ITGA1: variants seen among roughly 807,000 people sequenced by gnomAD.
The protein encoded by ITGA1 is integrin subunit alpha 1.
A neutral mutation model predicts 145.9 loss-of-function variants in ITGA1; 85 were observed. That is an observed-to-expected ratio of 0.58 (90% CI 0.49 to 0.70). ITGA1 has a LOEUF of 0.70. Among genes scored for constraint, ITGA1 ranks in the 30% least tolerant of loss-of-function variants. ITGA1 has a pLI of 0.00. For missense variants in ITGA1, 1,351 were observed against 1,418.7 expected (o/e 0.95, Z 0.77); for synonymous variants, 520 against 495.3 (o/e 1.05, Z -0.66).
Position 52,925,287 on chromosome 5 carries a change from G to T in ITGA1, c.2413G>T (p.Ala805Ser), listed in dbSNP as rs1036675148. Reference protein sequence around the residue: ...PNSVHEYIPFAKDCGNKEKCI... With the variant: ...PNSVHEYIPFSKDCGNKEKCI... ...CCTGTCATCATTTCAGATTCCCTTTGCCAAAGATTGTGGAAATAAGGAAAA... is the reference window on the plus strand; with the variant it reads ...CCTGTCATCATTTCAGATTCCCTTTTCCAAAGATTGTGGAAATAAGGAAAA... Residue 805 changes from alanine to serine, a missense_variant, in exon 19 of 29, where the codon GCC becomes TCC. Transcript: ENST00000282588. The T allele has an allele frequency of 6.2e-7, 1 of 1,613,550 alleles. No homozygotes were observed. The highest frequency in any genetic ancestry group is 8.5e-7 in the Non-Finnish European group (1 of 1,179,562).
intron 8 of ITGA1, among the ~76,000 whole-genome samples, chr5:52,892,697 G>A (rs117138029): frequency 1.1e-4 from 16 of 152,212 alleles, no homozygotes; most frequent in East Asian, 5.8e-4. Flanking sequence ...CAACACGGAT[G>A]ACTCTGAAAA....
In ITGA1 at chr5:52,918,915, T is replaced by C; in HGVS notation, c.2155+17T>C. On this transcript the variant is annotated intron_variant, in intron 16 of 28. Transcript: ENST00000282588. ...ATGAAGCTGGTAAGCAAAATAATTA[T>C]AGCAAGTACTTTTGGGTAGAGGACA... The C allele has an allele frequency of 6.3e-7, 1 of 1,576,952 alleles. No homozygotes were observed. The highest frequency in any genetic ancestry group is 8.6e-7 in the Non-Finnish European group (1 of 1,164,018).
chr5:52,849,119 T>C (rs1185728893), intron 1 of ITGA1, among the ~76,000 whole-genome samples: 3 of 152,182 alleles, frequency 2.0e-5, no homozygotes, highest in Admixed American at 1.3e-4. Context: ...GGTCAAATGG[T>C]ATTTCTAGTT....
intron 1 of ITGA1, chr5:52,800,388 C>T: frequency 6.2e-7 from 1 of 1,613,734 alleles, no homozygotes; most frequent in Non-Finnish European, 8.5e-7. Flanking sequence ...GAGCCCCTTC[C>T]TTGGCCATGA....
At chr5:52,840,496 G>A (rs1749237215) in intron 1 of ITGA1, among the ~76,000 whole-genome samples, 1 of 152,136 alleles carries the variant, frequency 6.6e-6, no homozygotes, top group Non-Finnish European at 1.5e-5. Flanking sequence ...TTTATTTGGT[G>A]AAACATAGAT....
intron 17 of ITGA1, 126 bp from the exon 18 acceptor site, chr5:52,922,651 G>A (rs2111875103): frequency 1.5e-6 from 1 of 665,382 alleles, no homozygotes. Context: ...GAGATCATAT[G>A]TCAGATTAGA....
chr5:52,816,556 G>T (rs534806464), intron 1 of ITGA1, among the ~76,000 whole-genome samples: 2 of 152,106 alleles, frequency 1.3e-5, no homozygotes, highest in African/African-American at 4.8e-5. Context: ...TGGACATTTT[G>T]TTAGTTAAGA....
At chr5:52,922,120 G>A (rs560777739) in intron 17 of ITGA1, among the ~76,000 whole-genome samples, 168 of 152,206 alleles carry the variant, frequency 1.1e-3, no homozygotes, top group African/African-American at 3.7e-3. Flanking sequence ...GGCCAACGTG[G>A]TGAAACCCCG....
At chr5:52,870,605 G>T (rs1395644008) in intron 6 of ITGA1, among the ~76,000 whole-genome samples, 4 of 152,222 alleles carry the variant, frequency 2.6e-5, no homozygotes, top group Non-Finnish European at 5.9e-5. Flanking sequence ...CATGACAGCA[G>T]CTGTTATGTC....
intron 1 of ITGA1, among the ~76,000 whole-genome samples, chr5:52,806,727 CATGTT>C (rs1748594491): frequency 6.6e-6 from 1 of 152,094 alleles, no homozygotes; most frequent in Non-Finnish European, 1.5e-5. Flanking sequence ...TTTTCAGTAA[CATGTT>C]ATTATATTGT....
chr5:52,898,830 T>A (rs1047091174), intron 11 of ITGA1, among the ~76,000 whole-genome samples: 1 of 152,120 alleles, frequency 6.6e-6, no homozygotes, highest in East Asian at 1.9e-4. Flanking sequence ...AAAAGAAAAA[T>A]GTATTTTGTC....
intron 1 of ITGA1, among the ~76,000 whole-genome samples, chr5:52,792,165 G>C (rs1748254672): frequency 6.6e-6 from 1 of 152,166 alleles, no homozygotes; most frequent in Non-Finnish European, 1.5e-5. Context: ...TAAACTATAT[G>C]TCTCTCTTCC....
intron 1 of ITGA1, among the ~76,000 whole-genome samples, chr5:52,814,758 T>C (rs1748738757): frequency 6.6e-6 from 1 of 152,002 alleles, no homozygotes; most frequent in Admixed American, 6.6e-5. Flanking sequence ...AGAAAAAGAA[T>C]CAGTCCAATT....
At chr5:52,906,625 A>G (rs1012648636) in intron 12 of ITGA1, among the ~76,000 whole-genome samples, 1 of 152,204 alleles carries the variant, frequency 6.6e-6, no homozygotes, top group Non-Finnish European at 1.5e-5. Context: ...TTGAATTGTG[A>G]TAGCTTGGGA....
At position 52,910,144 on chromosome 5, in the gene ITGA1, T is replaced by C. The variant is rs759604091; in HGVS notation, c.1600-18T>C. 1 of 1,595,870 alleles carries C rather than the reference T, an allele frequency of 6.3e-7. No homozygotes were observed. Among genetic ancestry groups the C allele is most frequent in the South Asian group, 1.1e-5 (1 of 90,244 alleles). ...TAATGATGGAAATACATAAATATCC[T>C]GTTTATCTTTCTTCCAGACAAGGTT... On this transcript the variant is annotated intron_variant, in intron 13 of 28. Transcript: ENST00000282588.
chr5:52,911,465 C>T (rs1458584180), intron 14 of ITGA1, among the ~76,000 whole-genome samples: 1 of 124,892 alleles, frequency 8.0e-6, no homozygotes, highest in Non-Finnish European at 1.6e-5. Flanking sequence ...TATAGTGTAT[C>T]TAGTATATAG....
chr5:52,820,825 T>C lies in ITGA1; in HGVS notation c.62-28540T>C, dbSNP rs909686797. Among the ~76,000 whole-genome samples, 18 of 152,322 alleles carry C rather than the reference T, an allele frequency of 1.2e-4. 2 individuals carry two copies. The highest frequency in any genetic ancestry group is 8.5e-4 in the Admixed American group (13 of 15,292). On this transcript the variant is annotated intron_variant, in intron 1 of 28. Transcript: ENST00000282588. ...TATCTCAGTTTTTTTTTATTGGCTT[T>C]AACAAGAGCATATGCTGGGAGGATA...
At chr5:52,792,442 T>C (rs1014349476) in intron 1 of ITGA1, among the ~76,000 whole-genome samples, 4 of 152,214 alleles carry the variant, frequency 2.6e-5, no homozygotes, top group African/African-American at 7.2e-5. Flanking sequence ...AAACAGGCAA[T>C]GAGAGTAACC....
chr5:52,832,795 G>GTGTGTGTGTA (rs1306132756), intron 1 of ITGA1, among the ~76,000 whole-genome samples: 2 of 147,432 alleles, frequency 1.4e-5, no homozygotes, highest in Non-Finnish European at 3.0e-5. Flanking sequence ...GTGTGTGTGT[G>GTGTGTGTGTA]TGTGTGTGTG....
Sources: allele counts gnomAD v4.1 joint callset (sites outside exome capture counted in the v4.1 genomes callset), GRCh38; gene constraint gnomAD v4.1.1; transcripts MANE v1.5; gene names NCBI Gene and HGNC (gene_info 2026-07-23, HGNC 2026-07-21).